Variants in DIS3L2 observed in about 807,000 individuals in gnomAD.
DIS3L2 encodes the protein DIS3 like 3'-5' exoribonuclease 2.
DIS3L2 carries 34 observed loss-of-function variants against 97.5 expected under a neutral mutation model. The observed-to-expected ratio is 0.35, with a 90% confidence interval of 0.27 to 0.46. The LOEUF is 0.46. Among genes scored for constraint, DIS3L2 ranks in the 20% least tolerant of loss-of-function variants. The pLI, the probability that DIS3L2 is intolerant of heterozygous loss-of-function variation, is 1.00. For missense variants in DIS3L2, 1,038 were observed against 1,146.0 expected (o/e 0.91, Z 1.36); for synonymous variants, 435 against 445.2 (o/e 0.98, Z 0.29).
chr2:232,072,783 G>GGTGTGTGTGTGTGTGTGTGTGTGTGTGT (rs56884799), intron 5 of DIS3L2, among the ~76,000 whole-genome samples: 1 of 139,812 alleles, frequency 7.2e-6, no homozygotes, highest in African/African-American at 2.8e-5. Context: ...TGGGATGTGG[G>GGTGTGTGTGTGTGTGTGTGTGTGTGTGT]GTGTGTGTGT....
At chr2:231,989,450 TG>T (rs1394059663) in intron 1 of DIS3L2, among the ~76,000 whole-genome samples, 1 of 152,080 alleles carries the variant, frequency 6.6e-6, no homozygotes, top group Non-Finnish European at 1.5e-5. Context: ...TGATGATGAA[TG>T]TATGGTAGTT....
At chr2:231,964,815 A>G (rs1475375364) in intron 1 of DIS3L2, among the ~76,000 whole-genome samples, 1 of 152,266 alleles carries the variant, frequency 6.6e-6, no homozygotes, top group Non-Finnish European at 1.5e-5. Context: ...GTTTAAATGC[A>G]AAATATGTGG....
At chr2:232,234,522 G>T (rs1325342521) in intron 10 of DIS3L2, among the ~76,000 whole-genome samples, 1 of 152,102 alleles carries the variant, frequency 6.6e-6, no homozygotes, top group Non-Finnish European at 1.5e-5. Context: ...GCTAATTTTT[G>T]TATTTTTTAG....
At chr2:232,158,591 T>G (rs1056910508) in intron 8 of DIS3L2, among the ~76,000 whole-genome samples, 12 of 152,196 alleles carry the variant, frequency 7.9e-5, no homozygotes, top group Non-Finnish European at 1.5e-4. Flanking sequence ...TAATTCTTTG[T>G]TTCTCCCCCT....
intron 3 of DIS3L2, among the ~76,000 whole-genome samples, chr2:232,022,016 T>C (rs774825467): frequency 1.8e-4 from 28 of 152,068 alleles, no homozygotes; most frequent in Non-Finnish European, 3.8e-4. Flanking sequence ...AGATGGGCAA[T>C]TGGGTCAGGT....
intron 5 of DIS3L2, among the ~76,000 whole-genome samples, chr2:232,079,599 C>CAAAAAAAAAA (rs760870721): frequency 6.8e-5 from 2 of 29,606 alleles, no homozygotes; most frequent in Non-Finnish European, 5.7e-5. Flanking sequence ...GACTCTATCT[C>CAAAAAAAAAA]AAAAAAAAAA....
intron 13 of DIS3L2, 66 bp downstream of exon 13, chr2:232,263,506 C>A: frequency 6.7e-7 from 1 of 1,500,374 alleles, no homozygotes; most frequent in Non-Finnish European, 9.2e-7. Context: ...CGTGGATGAG[C>A]GCAGCTTGGC....
At chr2:232,040,837 T>C (rs1342592430) in intron 5 of DIS3L2, among the ~76,000 whole-genome samples, 1 of 152,186 alleles carries the variant, frequency 6.6e-6, no homozygotes, top group Non-Finnish European at 1.5e-5. Flanking sequence ...CAGATTTACA[T>C]CTCCTGGCTT....
chr2:232,119,841 C>T lies in DIS3L2; in HGVS notation c.602-10778C>T, dbSNP rs141873018. 2.6e-3 allele frequency among the ~76,000 whole-genome samples: 401 copies of T among 152,254 alleles called. 2 individuals are homozygous for T. The highest frequency in any genetic ancestry group is 9.0e-3 in the African/African-American group (376 of 41,556). On this transcript the variant is annotated intron_variant, in intron 6 of 20. Transcript: ENST00000325385. ...TGGCCAGCTTAAAGAGGAGGGTGAC[C>T]AAATCTTGCCAAAATATGTACCACC...
intron 5 of DIS3L2, among the ~76,000 whole-genome samples, chr2:232,086,663 G>GTATATATATATA (rs1559613663): frequency 3.1e-5 from 1 of 32,692 alleles, no homozygotes; most frequent in Non-Finnish European, 6.8e-5. Context: ...ATATATATGT[G>GTATATATATATA]TGTGTGTGTG....
chr2:231,961,735 C>G lies in DIS3L2; in HGVS notation c.-124C>G, dbSNP rs1202524015. 1 of 153,218 alleles carries G rather than the reference C, an allele frequency of 6.5e-6. No individual in the cohort carries two copies. Among genetic ancestry groups the G allele is most frequent in the East Asian group, 1.9e-4 (1 of 5,216 alleles). The allele number at this position is 153,218 out of a possible 1,614,324, so 9.5% of individuals were successfully genotyped here. A position where few individuals can be genotyped will look rare whatever the true frequency, so the allele number is the denominator to read the frequency against. On this transcript the variant is annotated 5_prime_UTR_variant, in exon 1 of 21. Transcript: ENST00000325385. ...AGCATTCTCCTTAGCAACTGCGGGA[C>G]TGCGGCGGCGCCGGCCTCCGGGGAG...
intron 5 of DIS3L2, among the ~76,000 whole-genome samples, chr2:232,034,387 A>G (rs947763908): frequency 6.6e-6 from 1 of 151,956 alleles, no homozygotes; most frequent in Admixed American, 6.6e-5. Flanking sequence ...CTACTGGTCT[A>G]TCTATTTTGT....
At chr2:232,135,124 T>C (rs140316071) in intron 7 of DIS3L2, among the ~76,000 whole-genome samples, 70 of 152,044 alleles carry the variant, frequency 4.6e-4, no homozygotes, top group African/African-American at 1.5e-3. Context: ...TGAAATCAAA[T>C]AGAAGTGAAG....
intron 14 of DIS3L2, among the ~76,000 whole-genome samples, chr2:232,320,263 T>A (rs1695392103): frequency 6.6e-6 from 1 of 152,158 alleles, no homozygotes; most frequent in Non-Finnish European, 1.5e-5. Context: ...AGTCACAGAA[T>A]GAATGCAGAG....
chr2:231,978,257 C>G (rs544155879), intron 1 of DIS3L2, among the ~76,000 whole-genome samples: 1 of 152,198 alleles, frequency 6.6e-6, no homozygotes, highest in East Asian at 1.9e-4. Flanking sequence ...ACAAAATTAT[C>G]GTTGCCATTG....
chr2:232,119,511 A>G (rs950913203), intron 6 of DIS3L2, among the ~76,000 whole-genome samples: 4 of 152,230 alleles, frequency 2.6e-5, no homozygotes, highest in African/African-American at 9.6e-5. Flanking sequence ...CCAGCTAGAG[A>G]TGGAAGCATA....
intron 4 of DIS3L2, among the ~76,000 whole-genome samples, chr2:232,025,049 C>A (rs1694620108): frequency 6.6e-6 from 1 of 151,960 alleles, no homozygotes; most frequent in Admixed American, 6.6e-5. Context: ...TGAAAGAGAC[C>A]AAACTTATGC....
At chr2:232,246,555 A>G (rs1020038738) in intron 11 of DIS3L2, among the ~76,000 whole-genome samples, 11 of 152,198 alleles carry the variant, frequency 7.2e-5, no homozygotes. Flanking sequence ...TTCTACCAAT[A>G]AGAAGACCAA....
chr2:232,105,281 G>A (rs1319799572), intron 6 of DIS3L2, among the ~76,000 whole-genome samples: 1 of 152,122 alleles, frequency 6.6e-6, no homozygotes, highest in African/African-American at 2.4e-5. Flanking sequence ...TAGAATTGCT[G>A]GGTCATAGGG....
Sources: allele counts gnomAD v4.1 joint callset (sites outside exome capture counted in the v4.1 genomes callset), GRCh38; gene constraint gnomAD v4.1.1; transcripts MANE v1.5; gene names NCBI Gene and HGNC (gene_info 2026-07-23, HGNC 2026-07-21).